Variants in CDIN1 observed in about 807,000 individuals in gnomAD.
CDIN1 encodes CDAN1 interacting nuclease 1.
In CDIN1, 33 loss-of-function variants were observed where a neutral mutation model predicts 45.3. The ratio of observed to expected loss-of-function variants is 0.73; its 90% CI spans 0.55 to 0.97. The LOEUF is 0.97. CDIN1 is among the 50% of genes least tolerant of loss of function. The probability of loss-of-function intolerance (pLI) is 0.00; values close to 1 mark genes in which losing one functional copy is unlikely to be tolerated. For synonymous variants in CDIN1, 118 were observed against 124.4 expected (o/e 0.95, Z 0.34); for missense variants, 303 against 339.4 (o/e 0.89, Z 0.84).
In CDIN1 at chr15:36,644,422, G is replaced by A. The variant is rs1025902696; in HGVS notation, c.147+99G>A. 5 of 1,282,714 alleles carry A rather than the reference G, an allele frequency of 3.9e-6. No homozygotes were observed. In the African/African-American group the frequency reaches 6.1e-5, roughly 16 times the overall value. 79.5% of individuals were successfully genotyped at this position (1,282,714 alleles called of 1,614,324 possible). A position where few individuals can be genotyped will look rare whatever the true frequency, so the allele number is the denominator to read the frequency against. On this transcript the variant is annotated intron_variant, in intron 2 of 10. Transcript: ENST00000566621. ...ATTGAACTGCCAGCTCTCTGATTGG[G>A]TTGGAGGATGTTCTCCTTTCCACAT... is the stretch of plus-strand genomic sequence containing the variant.
At chr15:36,756,424 T>C (rs1158122297) in intron 10 of CDIN1, among the ~76,000 whole-genome samples, 1 of 152,156 alleles carries the variant, frequency 6.6e-6, no homozygotes, top group African/African-American at 2.4e-5. Context: ...AAGAAAACCT[T>C]TGTTATATCC....
At chr15:36,782,747 GT>G (rs1335930665) in intron 10 of CDIN1, among the ~76,000 whole-genome samples, 4 of 152,130 alleles carry the variant, frequency 2.6e-5, no homozygotes, top group Non-Finnish European at 5.9e-5. Flanking sequence ...GTCAGATGAC[GT>G]TTCATCATCA....
chr15:36,644,805 T>C (rs2040245267), intron 2 of CDIN1, among the ~76,000 whole-genome samples: 1 of 152,182 alleles, frequency 6.6e-6, no homozygotes. Context: ...TTTTAAGCAA[T>C]GTTCTTCCTG....
intron 5 of CDIN1, 118 bp downstream of exon 5, chr15:36,658,023 C>CAGTT: frequency 2.7e-6 from 2 of 742,680 alleles, no homozygotes; most frequent in South Asian, 3.9e-5. Context: ...CTATCATGAA[C>CAGTT]AGTTAATGAC....
intron 10 of CDIN1, among the ~76,000 whole-genome samples, chr15:36,797,081 A>G (rs1320509506): frequency 6.6e-6 from 1 of 152,226 alleles, no homozygotes; most frequent in African/African-American, 2.4e-5. Context: ...TGTTATGGAA[A>G]AGTAGAGCTG....
intron 10 of CDIN1, among the ~76,000 whole-genome samples, chr15:36,763,993 C>G (rs2053844641): frequency 6.6e-6 from 1 of 152,068 alleles, no homozygotes; most frequent in East Asian, 1.9e-4. Context: ...ACCACAAGTT[C>G]AAAAAATCAT....
chr15:36,727,999 G>A (rs993965626), intron 10 of CDIN1, among the ~76,000 whole-genome samples: 5 of 152,262 alleles, frequency 3.3e-5, no homozygotes, highest in African/African-American at 1.2e-4. Context: ...CAGATTATAT[G>A]CATGCTAAGA....
At chr15:36,777,086 T>C (rs1022340403) in intron 10 of CDIN1, among the ~76,000 whole-genome samples, 1 of 152,148 alleles carries the variant, frequency 6.6e-6, no homozygotes, top group African/African-American at 2.4e-5. Context: ...AAAATACTTA[T>C]CAGTAGGGAT....
chr15:36,677,451 A>G (rs1390506977), intron 5 of CDIN1, among the ~76,000 whole-genome samples: 2 of 152,114 alleles, frequency 1.3e-5, no homozygotes, highest in Non-Finnish European at 2.9e-5. Flanking sequence ...CACCAATAAT[A>G]AACTTGTGAG....
intron 5 of CDIN1, chr15:36,668,122 G>A (rs762944535): frequency 9.2e-5 from 14 of 152,084 alleles, no homozygotes; most frequent in Non-Finnish European, 1.6e-4. Context: ...CTGAGAAGAT[G>A]TTTTATATAA....
At chr15:36,764,969 A>T (rs2053873624) in intron 10 of CDIN1, among the ~76,000 whole-genome samples, 1 of 152,162 alleles carries the variant, frequency 6.6e-6, no homozygotes, top group Non-Finnish European at 1.5e-5. Flanking sequence ...GGTAGTAGGA[A>T]TCTAGGTTCC....
At chr15:36,712,581 A>G (rs1291824917) in intron 10 of CDIN1, among the ~76,000 whole-genome samples, 1 of 152,090 alleles carries the variant, frequency 6.6e-6, no homozygotes, top group Non-Finnish European at 1.5e-5. Context: ...ATGCTTTTGT[A>G]TAAATCCATT....
intron 5 of CDIN1, among the ~76,000 whole-genome samples, chr15:36,689,605 T>G (rs1566902179): frequency 6.6e-6 from 1 of 152,214 alleles, no homozygotes; most frequent in African/African-American, 2.4e-5. Context: ...ATGAAAGGTA[T>G]GGACAACTGC....
chr15:36,804,667 A>T (rs1343750570), intron 10 of CDIN1: 1 of 103,344 alleles, frequency 9.7e-6, no homozygotes, highest in African/African-American at 3.7e-5. Context: ...ATGAAACCAG[A>T]GAATCACTTT....
At chr15:36,624,089 C>CT (rs1160060734) in intron 1 of CDIN1, among the ~76,000 whole-genome samples, 1 of 152,162 alleles carries the variant, frequency 6.6e-6, no homozygotes, top group East Asian at 1.9e-4. Flanking sequence ...AGCACCTACT[C>CT]TTTATTAGAG....
intron 5 of CDIN1, among the ~76,000 whole-genome samples, chr15:36,672,014 T>G (rs1052069307): frequency 9.9e-5 from 15 of 152,134 alleles, no homozygotes; most frequent in Non-Finnish European, 7.4e-5. Context: ...ACCTTGGCAA[T>G]GTTGTTTTTT....
intron 3 of CDIN1, among the ~76,000 whole-genome samples, chr15:36,650,442 A>G (rs1045859007): frequency 6.7e-6 from 1 of 148,732 alleles, no homozygotes; most frequent in African/African-American, 2.5e-5. Context: ...TTATTTATTT[A>G]TTTATTTATT....
At chr15:36,581,123 A>G (rs1452712825) in intron 1 of CDIN1, among the ~76,000 whole-genome samples, 2 of 152,220 alleles carry the variant, frequency 1.3e-5, no homozygotes. Context: ...AAGGAACAAA[A>G]TTGACACATA....
chr15:36,700,294 G>A (rs2042584504), intron 8 of CDIN1, among the ~76,000 whole-genome samples: 1 of 152,130 alleles, frequency 6.6e-6, no homozygotes, highest in African/African-American at 2.4e-5. Context: ...GCACCGTATT[G>A]CATGTGTGAT....
Sources: gnomAD v4.1 joint callset for allele counts (sites outside exome capture counted in the v4.1 genomes callset) on GRCh38, gnomAD v4.1.1 for gene constraint, MANE v1.5 for transcripts, NCBI Gene and HGNC (gene_info 2026-07-23, HGNC 2026-07-21) for gene names.